Variants in C20orf173 observed in about 807,000 individuals in gnomAD.
The protein encoded by C20orf173 is chromosome 20 open reading frame 173.
C20orf173 carries 22 observed loss-of-function variants against 26.7 expected under a neutral mutation model. That is an observed-to-expected ratio of 0.82 (90% confidence interval 0.59 to 1.18). The LOEUF (loss-of-function observed/expected upper bound fraction) is 1.18, where lower values mean the gene tolerates loss of function less well. Ranked by LOEUF, C20orf173 falls within the 50% of genes most tolerant of loss-of-function variation. The pLI, the probability that C20orf173 is intolerant of heterozygous loss-of-function variation, is 0.00. For missense variants in C20orf173, 210 were observed against 250.3 expected (o/e 0.84, Z 1.09); for synonymous variants, 85 against 96.4 (o/e 0.88, Z 0.69).
At chr20:35,526,649 AAG>A (rs1381254324), downstream of C20orf173, among the ~76,000 whole-genome samples, 11 of 150,672 alleles carry the variant, frequency 7.3e-5, 5 homozygotes, top group Non-Finnish European at 4.4e-5. Flanking sequence ...AAAAAAAAAA[AAG>A]CGAATTGGAA....
At chr20:35,523,132 T>G (rs1294584308), downstream of C20orf173, 1 of 152,904 alleles carries the variant, frequency 6.5e-6, no homozygotes. Context: ...AGGCAGAGCA[T>G]GTGTGGACCT....
chr20:35,527,393 G>A (rs886741475), intron 5 of C20orf173, 143 bp from the exon 6 acceptor site: 3 of 151,934 alleles, frequency 2.0e-5, no homozygotes, highest in African/African-American at 4.8e-5. Flanking sequence ...ACAGACTCTG[G>A]ACACTCTCCT....
In C20orf173 at chr20:35,529,412, C is replaced by A; in HGVS notation, c.-39G>T. 1 of 1,490,510 alleles carries A rather than the reference C, an allele frequency of 6.7e-7. No individual in the cohort carries two copies. 92.3% of individuals were successfully genotyped at this position (1,490,510 alleles called of 1,614,324 possible). On this transcript the variant is annotated 5_prime_UTR_variant, in exon 2 of 6. Transcript: ENST00000444723. ...GGTGGCTCCCGTGGTGGGCCGTAGA[C>A]TGGCTTCTCTACCTGTAAGGATGAG...
chr20:35,528,111 A>G, intron 5 of C20orf173, 122 bp downstream of exon 5: 1 of 805,536 alleles, frequency 1.2e-6, no homozygotes, highest in South Asian at 1.5e-5. Flanking sequence ...GATGACCCTG[A>G]CCCTGGTAAG....
chr20:35,521,240 C>T (rs1601342525), downstream of C20orf173: 1 of 152,784 alleles, frequency 6.5e-6, no homozygotes, highest in African/African-American at 2.4e-5. Context: ...GCACCACTCA[C>T]TCAACCACTA....
At chr20:35,521,494 C>A (rs2064474684), downstream of C20orf173, among the ~76,000 whole-genome samples, 1 of 151,932 alleles carries the variant, frequency 6.6e-6, no homozygotes, top group African/African-American at 2.4e-5. Flanking sequence ...CCCAAGAAGT[C>A]CAGTGCGGGA....
At chr20:35,528,310 G>A (rs926799499) in intron 4 of C20orf173, 26 bp from the exon 5 acceptor site, 1 of 1,551,746 alleles carries the variant, frequency 6.4e-7, no homozygotes, top group Non-Finnish European at 8.7e-7. Flanking sequence ...AGGTGGGGGA[G>A]TTTGGGCCAC....
downstream of C20orf173, among the ~76,000 whole-genome samples, chr20:35,523,815 G>C (rs923242341): frequency 1.3e-5 from 2 of 152,136 alleles, no homozygotes; most frequent in African/African-American, 4.8e-5. Flanking sequence ...AGGCAAAGAG[G>C]GAAACAGAAG....
In C20orf173 at chr20:35,528,712, G is replaced by C. The variant is rs548552112; in HGVS notation, c.477C>G (p.Pro159=). Residue 159 remains proline (P), a synonymous_variant, in exon 3 of 6, where the codon CCC becomes CCG. Transcript: ENST00000444723. ...SSLGNDIDQY[P]VVFRNASDQG... The stretch of plus-strand genomic sequence containing the variant: ...TCCCCAGCACCCACCTGAAAACCAC[G>C]GGGTATTGGTCGATGTCGTTGCCAA... 9 of 1,532,036 alleles carry C rather than the reference G, an allele frequency of 5.9e-6. No individual in the cohort carries two copies. Among genetic ancestry groups the C allele is most frequent in the Non-Finnish European group, 7.0e-6 (8 of 1,136,618 alleles). The allele number at this position is 1,532,036 out of a possible 1,614,324, so 94.9% of individuals were successfully genotyped here. A position where few individuals can be genotyped will look rare whatever the true frequency, so the allele number is the denominator to read the frequency against.
chr20:35,526,460 T>C (rs2064502500), downstream of C20orf173, among the ~76,000 whole-genome samples: 1 of 151,932 alleles, frequency 6.6e-6, no homozygotes, highest in Admixed American at 6.6e-5. Context: ...ACCCCCTTTC[T>C]ACAAAAACAA....
At chr20:35,526,368 G>A (rs1281598411), downstream of C20orf173, among the ~76,000 whole-genome samples, 1 of 152,194 alleles carries the variant, frequency 6.6e-6, no homozygotes, top group Non-Finnish European at 1.5e-5. Context: ...ACTCACACCT[G>A]TAATCCCAGC....
chr20:35,525,146 C>G (rs2064496142), downstream of C20orf173, among the ~76,000 whole-genome samples: 1 of 151,862 alleles, frequency 6.6e-6, no homozygotes. Context: ...ACCCCTGATA[C>G]TTATAAATGT....
rs917813729 is a variant in C20orf173, at chr20:35,529,602, G to A, written c.-95C>T. The A allele has an allele frequency of 1.1e-4, 64 of 562,068 alleles. 1 individual carries two copies. In the Admixed American group the frequency reaches 1.8e-3, roughly 16 times the overall value. The allele number at this position is 562,068 out of a possible 1,614,324, so 34.8% of individuals were successfully genotyped here. On this transcript the variant is annotated 5_prime_UTR_variant, in exon 1 of 6. Coordinates refer to ENST00000444723, the MANE Select transcript of C20orf173 (RefSeq NM_001145350.2). ...CTGGGCATGGGGTGGAAGAGGCCAG[G>A]GCAGAGAGACAGCATGTGGCTAGTC...
At chr20:35,523,154 T>C (rs2064484765), downstream of C20orf173, 1 of 152,736 alleles carries the variant, frequency 6.5e-6, no homozygotes, top group African/African-American at 2.4e-5. Flanking sequence ...AGATGAGCAG[T>C]TGCATTTTCT....
chr20:35,526,793 C>T (rs1035363743), downstream of C20orf173, among the ~76,000 whole-genome samples: 5 of 152,062 alleles, frequency 3.3e-5, no homozygotes, highest in South Asian at 2.1e-4. Flanking sequence ...CTTCTTTTAT[C>T]GAAGTGGGTA....
chr20:35,522,029 C>G (rs1033761617), downstream of C20orf173: 2 of 152,626 alleles, frequency 1.3e-5, no homozygotes, highest in African/African-American at 4.8e-5. Context: ...CGGATACTGA[C>G]CATGGTTCTC....
In C20orf173 at chr20:35,528,260, A is replaced by G; in HGVS notation, c.607T>C (p.Ter203GlnextTer5). The G allele has an allele frequency of 6.4e-7, 1 of 1,552,000 alleles. No individual in the cohort carries two copies. Among genetic ancestry groups the G allele is most frequent in the Non-Finnish European group, 8.7e-7 (1 of 1,147,056 alleles). ...TGTCTTTGCTATCTTCCACTCCACT[A>G]GGGAACCAGACCATCTTCCAAAATC... ...DKILEDGLVP[*>Q] The change falls in exon 5 of 6, where the codon TAG (stop) becomes CAG (glutamine). Residue 203 changes from the stop codon to glutamine, a stop_lost. Transcript: ENST00000444723.
At chr20:35,526,443 TG>T (rs539374893), downstream of C20orf173, among the ~76,000 whole-genome samples, 38 of 152,186 alleles carry the variant, frequency 2.5e-4, no homozygotes, top group African/African-American at 9.1e-4. Flanking sequence ...CTGGCCAACA[TG>T]GCAAGACCCC....
chr20:35,529,368 C>T lies in C20orf173; in HGVS notation c.6G>A (p.Lys2=), dbSNP rs984290890. Residue 2 remains lysine (K), a synonymous_variant, in exon 2 of 6, where the codon AAG becomes AAA. Transcript: ENST00000444723. M[K]RWQIFVLWVF... is the part of the protein sequence containing the mutation. ...CCCACAGGACAAAAATCTGCCAGCG[C>T]TTCATGTCTGGCCCAGGCGGTGGCT... The T allele has an allele frequency of 6.5e-7, 1 of 1,539,016 alleles. No individual in the cohort carries two copies. Among genetic ancestry groups the T allele is most frequent in the African/African-American group, 1.4e-5 (1 of 73,022 alleles).
Sources: gnomAD v4.1 joint callset for allele counts (sites outside exome capture counted in the v4.1 genomes callset) on GRCh38, gnomAD v4.1.1 for gene constraint, MANE v1.5 for transcripts, NCBI Gene and HGNC (gene_info 2026-07-23, HGNC 2026-07-21) for gene names.